DNAH6: variants seen among roughly 807,000 people sequenced by gnomAD.
DNAH6 encodes axonemal beta dynein heavy chain 6.
Under a neutral mutation model 491.4 loss-of-function variants are expected in DNAH6, and 340 were observed. That is an observed-to-expected ratio of 0.69 (90% CI 0.63 to 0.76). The LOEUF is 0.76. Ranked by LOEUF, DNAH6 falls within the 30% of genes least tolerant of loss-of-function variation. The pLI is 0.00. For missense variants in DNAH6, 4,443 were observed against 4,972.2 expected, an observed-to-expected ratio of 0.89 and a Z score of 3.20; for synonymous variants, 1,603 against 1,686.1, an observed-to-expected ratio of 0.95 and a Z score of 1.21.
chr2:84,709,441 G>T lies in DNAH6; in HGVS notation c.9147G>T (p.Arg3049=). 1 of 1,551,698 alleles carries T rather than the reference G, an allele frequency of 6.4e-7. No individual in the cohort carries two copies. Among genetic ancestry groups the T allele is most frequent in the Non-Finnish European group, 8.7e-7 (1 of 1,147,016 alleles). Residue 3049 remains arginine, a synonymous_variant, in exon 55 of 77, where the codon CGG becomes CGT. Coordinates refer to ENST00000389394, the MANE Select transcript of DNAH6 (RefSeq NM_001370.2). Reference sequence around the variant, plus strand: ...TTCTTGGAGATCCCTACGAGATACGGCAGTGGAACACTGATGGGCTGCCCC... The same window carrying T: ...TTCTTGGAGATCCCTACGAGATACGTCAGTGGAACACTGATGGGCTGCCCC... ...INILGDPYEI[R]QWNTDGLPRD...
chr2:84,784,572 G>T, intron 65 of DNAH6, 150 bp from the exon 66 acceptor site: 1 of 595,528 alleles, frequency 1.7e-6, no homozygotes, highest in Non-Finnish European at 2.9e-6. Context: ...TTTTGAAACA[G>T]TTTACACTAT....
At chr2:84,613,851 C>T (rs1350385946) in intron 22 of DNAH6, among the ~76,000 whole-genome samples, 2 of 152,046 alleles carry the variant, frequency 1.3e-5, no homozygotes, top group Non-Finnish European at 2.9e-5. Flanking sequence ...AATTCTTAGT[C>T]AATTCCCCCC....
chr2:84,464,252 C>T, the DNAH6 span, among the ~76,000 whole-genome samples: 1 of 152,182 alleles, frequency 6.6e-6, no homozygotes. Context: ...ATATGAGAAC[C>T]TTTCAGCCTC....
chr2:84,748,671 A>G (rs1435566168), intron 63 of DNAH6, among the ~76,000 whole-genome samples: 1 of 152,184 alleles, frequency 6.6e-6, no homozygotes, highest in African/African-American at 2.4e-5. Flanking sequence ...TGAGCCCTCC[A>G]AACTCTTCCA....
At chr2:84,503,684 GT>G in the DNAH6 span, among the ~76,000 whole-genome samples, 5,487 of 143,472 alleles carry the variant, frequency 0.038, 96 homozygotes, top group Middle Eastern at 0.064. Flanking sequence ...TAGGGTAAAA[GT>G]TTTTTTTTTT....
intron 11 of DNAH6, 73 bp from the exon 12 acceptor site, chr2:84,573,390 CTTTG>C (rs776977221): frequency 7.9e-7 from 1 of 1,258,332 alleles, no homozygotes; most frequent in Non-Finnish European, 1.1e-6. Context: ...TTGCTTGTTT[CTTTG>C]TTTAGTTGTA....
At chr2:84,519,499 G>A (rs1254440898) in intron 2 of DNAH6, among the ~76,000 whole-genome samples, 1 of 151,972 alleles carries the variant, frequency 6.6e-6, no homozygotes. Flanking sequence ...TCACACCTGT[G>A]GGTGTCTGCA....
intron 30 of DNAH6, among the ~76,000 whole-genome samples, chr2:84,635,336 A>G (rs1002379306): frequency 6.6e-6 from 1 of 152,232 alleles, no homozygotes; most frequent in Non-Finnish European, 1.5e-5. Context: ...CACCAAATCT[A>G]CGTGAAGTAT....
In DNAH6 at chr2:84,693,644, G is replaced by C. The variant is rs1695094668; in HGVS notation, c.7293-605G>C. ...TGTAGTCCCAGCTACTCTGGAGGCT[G>C]AGGCAGGCGTGAACCCAGGAGGCGG... On this transcript the variant is annotated intron_variant, in intron 45 of 76. Coordinates refer to ENST00000389394, the MANE Select transcript of DNAH6 (RefSeq NM_001370.2). Among the ~76,000 whole-genome samples the C allele has an allele frequency of 3.4e-5, 5 of 148,614 alleles. No individual in the cohort carries two copies. In the South Asian group the frequency reaches 8.4e-4, roughly 25 times the overall value.
At chr2:84,653,923 A>G (rs778197016) in intron 34 of DNAH6, 49 bp downstream of exon 34, 29 of 1,438,594 alleles carry the variant, frequency 2.0e-5, no homozygotes, top group Middle Eastern at 1.8e-4. Flanking sequence ...AAATTGGCAT[A>G]CTATCGTTAC....
rs138307855 is a variant in DNAH6, at chr2:84,743,369, G to C, written c.10343-1711G>C. Among the ~76,000 whole-genome samples, 195 of 152,318 alleles carry C rather than the reference G, an allele frequency of 1.3e-3. 1 individual carries two copies. Among genetic ancestry groups the C allele is most frequent in the Non-Finnish European group, 2.4e-3 (166 of 68,030 alleles). Reference sequence around the variant, plus strand: ...ACAGACTTATGAAGGTTTGTACATAGTTTGATAGGTGGCTGGTATTCTAAA... The same window carrying C: ...ACAGACTTATGAAGGTTTGTACATACTTTGATAGGTGGCTGGTATTCTAAA... On this transcript the variant is annotated intron_variant, in intron 62 of 76. Coordinates refer to ENST00000389394, the MANE Select transcript of DNAH6 (RefSeq NM_001370.2).
At chr2:84,721,119 C>A (rs981176021) in intron 59 of DNAH6, among the ~76,000 whole-genome samples, 1 of 152,334 alleles carries the variant, frequency 6.6e-6, no homozygotes, top group Admixed American at 6.5e-5. Flanking sequence ...TTCTAATATT[C>A]TTTGGCAAGG....
the DNAH6 span, among the ~76,000 whole-genome samples, chr2:84,467,530 C>T: frequency 1.5e-4 from 23 of 152,146 alleles, no homozygotes; most frequent in African/African-American, 3.6e-4. Flanking sequence ...GTCCCAAGGC[C>T]GTACCTTACT....
At chr2:84,611,946 T>A in intron 22 of DNAH6, 92 bp downstream of exon 22, 2 of 1,132,820 alleles carry the variant, frequency 1.8e-6, no homozygotes, top group Non-Finnish European at 2.5e-6. Context: ...TCTGGGAATC[T>A]AATAACATAT....
rs547909603 is a variant in DNAH6, at chr2:84,806,557, C to T, written c.11611+763C>T. Among the ~76,000 whole-genome samples, 30 of 143,220 alleles carry T rather than the reference C, an allele frequency of 2.1e-4. No individual in the cohort carries two copies. The South Asian group carries it at 5.7e-3, about 27-fold the overall frequency. The allele number at this position is 143,220 out of a possible 152,430, so 94.0% of individuals were successfully genotyped here. On this transcript the variant is annotated intron_variant, in intron 71 of 76. Coordinates refer to ENST00000389394, the MANE Select transcript of DNAH6 (RefSeq NM_001370.2). ...TGGTGTGAACCCGGGAGGCGGAGCT[C>T]GCAGTGAGCCGAGATCACACCACTG...
chr2:84,596,458 G>A (rs1684588158), intron 18 of DNAH6, among the ~76,000 whole-genome samples: 1 of 151,800 alleles, frequency 6.6e-6, no homozygotes, highest in African/African-American at 2.4e-5. Flanking sequence ...TGAGTAGCTG[G>A]GATTATAGGC....
chr2:84,781,204 A>G (rs1012560980), intron 64 of DNAH6, among the ~76,000 whole-genome samples: 1 of 152,220 alleles, frequency 6.6e-6, no homozygotes, highest in African/African-American at 2.4e-5. Flanking sequence ...GGAGAGAGGC[A>G]TGAGAGAAAT....
rs993070977 is a variant in DNAH6 at position 84,518,175 on chromosome 2, A to G, written c.225+124A>G. 1.8e-5 allele frequency: 12 copies of G among 679,626 alleles called. No homozygotes were observed. In the African/African-American group the frequency reaches 2.0e-4, roughly 11 times the overall value. The allele number at this position is 679,626 out of a possible 1,614,324, so 42.1% of individuals were successfully genotyped here. The stretch of plus-strand genomic sequence containing the variant: ...AGAAGGAATGAAAAGCTAAAAGATA[A>G]TAACTGCTTATGTAGTTGTAAATAC... On this transcript the variant is annotated intron_variant, in intron 2 of 76. Transcript: ENST00000389394.
intron 2 of DNAH6, among the ~76,000 whole-genome samples, chr2:84,523,020 T>A (rs1465718074): frequency 3.3e-5 from 5 of 152,092 alleles, no homozygotes; most frequent in African/African-American, 7.2e-5. Flanking sequence ...TCATTTTTTT[T>A]AGAATAGTTT....
Sources: gnomAD v4.1 joint callset for allele counts (sites outside exome capture counted in the v4.1 genomes callset) on GRCh38, gnomAD v4.1.1 for gene constraint, MANE v1.5 for transcripts, NCBI Gene and HGNC (gene_info 2026-07-23, HGNC 2026-07-21) for gene names.